Variants in SORCS3 observed in about 807,000 individuals in gnomAD.
SORCS3 encodes sortilin related VPS10 domain containing receptor 3.
In SORCS3, 57 loss-of-function variants were observed where a neutral mutation model predicts 146.3. The ratio of observed to expected loss-of-function variants is 0.39; its 90% CI spans 0.31 to 0.49. The LOEUF (loss-of-function observed/expected upper bound fraction) is 0.49, where lower values mean the gene tolerates loss of function less well. Ranked by LOEUF, SORCS3 falls within the 20% of genes least tolerant of loss-of-function variation. The probability of loss-of-function intolerance (pLI) is 0.92; values close to 1 mark genes in which losing one functional copy is unlikely to be tolerated. For missense variants in SORCS3, 1,341 were observed against 1,575.5 expected (o/e 0.85, Z 2.52); for synonymous variants, 653 against 618.5 (o/e 1.06, Z -0.83).
At chr10:104,657,250 G>A (rs982217043) in intron 1 of SORCS3, among the ~76,000 whole-genome samples, 2 of 152,146 alleles carry the variant, frequency 1.3e-5, no homozygotes, top group Non-Finnish European at 2.9e-5. Context: ...CTAGAACCAC[G>A]TAGCTGAGCC....
rs1187457896 is a variant in SORCS3 at position 105,223,196 on chromosome 10, C to G, written c.2815C>G (p.Pro939Ala). ...KEVNISAVVW[P>A]SQLGTLTYFW... ...GGTCAACATCAGTGCAGTCGTGTGG[C>G]CCAGTCAACTGGGGACCCTTACCTA... Residue 939 changes from proline to alanine, a missense_variant, in exon 20 of 27, where the codon CCC becomes GCC. Coordinates refer to ENST00000369701, the MANE Select transcript of SORCS3 (RefSeq NM_014978.3). 1 of 1,613,342 alleles carries G rather than the reference C, an allele frequency of 6.2e-7. No homozygotes were observed.
At chr10:104,852,713 G>T (rs1447842789) in intron 2 of SORCS3, among the ~76,000 whole-genome samples, 2 of 152,062 alleles carry the variant, frequency 1.3e-5, no homozygotes, top group Admixed American at 1.3e-4. Context: ...CTTCCTTCTG[G>T]CTCAGAGTGA....
intron 1 of SORCS3, among the ~76,000 whole-genome samples, chr10:104,821,298 C>T (rs2133528614): frequency 6.6e-6 from 1 of 152,134 alleles, no homozygotes; most frequent in South Asian, 2.1e-4. Flanking sequence ...ATATAATGGG[C>T]CACAGATGGA....
At chr10:105,015,062 A>C (rs571149580) in intron 4 of SORCS3, among the ~76,000 whole-genome samples, 10 of 152,350 alleles carry the variant, frequency 6.6e-5, no homozygotes, top group Admixed American at 5.2e-4. Context: ...TGCAATGCAA[A>C]TTAAGACTAT....
chr10:105,195,193 C>T (rs980343690), intron 14 of SORCS3, among the ~76,000 whole-genome samples: 13 of 152,202 alleles, frequency 8.5e-5, no homozygotes, highest in Admixed American at 3.3e-4. Context: ...AAGTACTACA[C>T]ATATGAGAAG....
In SORCS3 at chr10:104,901,704, TTTTCAGCCCTTGGC is replaced by T. The variant is rs568991427; in HGVS notation, c.696-14122_696-14109del. Among the ~76,000 whole-genome samples, 105 of 152,320 alleles carry T rather than the reference TTTTCAGCCCTTGGC, an allele frequency of 6.9e-4. 1 individual carries two copies. Among genetic ancestry groups the T allele is most frequent in the African/African-American group, 2.5e-3 (102 of 41,584 alleles). ...CTTGTTATTAGATTTAAAATGATGT[TTTTCAGCCCTTGGC>T]TTTCAGGCCTTGCTCATGCCTTGCT... On this transcript the variant is annotated intron_variant, in intron 2 of 26. Transcript: ENST00000369701.
At chr10:105,044,222 A>G (rs538001656) in intron 5 of SORCS3, among the ~76,000 whole-genome samples, 1 of 152,140 alleles carries the variant, frequency 6.6e-6, no homozygotes, top group African/African-American at 2.4e-5. Context: ...ATAAAAAATG[A>G]GCTGGCCATC....
At chr10:104,706,286 C>T (rs1273772209) in intron 1 of SORCS3, among the ~76,000 whole-genome samples, 2 of 146,202 alleles carry the variant, frequency 1.4e-5, no homozygotes, top group Non-Finnish European at 3.0e-5. Flanking sequence ...CAGCTCACTG[C>T]ACCCTCTGCC....
At chr10:104,942,515 T>C (rs1237626442) in intron 3 of SORCS3, among the ~76,000 whole-genome samples, 2 of 152,234 alleles carry the variant, frequency 1.3e-5, no homozygotes, top group Non-Finnish European at 2.9e-5. Flanking sequence ...TACAGATTAA[T>C]CCTTTTTATG....
chr10:104,868,021 C>T (rs1367360762), intron 2 of SORCS3, among the ~76,000 whole-genome samples: 1 of 152,200 alleles, frequency 6.6e-6, no homozygotes, highest in South Asian at 2.1e-4. Flanking sequence ...ATGCAGGAAT[C>T]TGACTCCCTG....
intron 2 of SORCS3, among the ~76,000 whole-genome samples, chr10:104,864,942 G>T (rs937432477): frequency 2.4e-4 from 37 of 152,046 alleles, no homozygotes; most frequent in Non-Finnish European, 2.9e-5. Context: ...TTTATCTTTT[G>T]TCTCTTCAAT....
intron 5 of SORCS3, among the ~76,000 whole-genome samples, chr10:105,072,647 T>TTC (rs79467880): frequency 3.2e-5 from 1 of 30,806 alleles, no homozygotes; most frequent in Non-Finnish European, 7.4e-5. Context: ...TTTTCTTTCT[T>TTC]TCTCTCTCTC....
chr10:104,924,029 T>C (rs2019114081), intron 3 of SORCS3, among the ~76,000 whole-genome samples: 1 of 152,234 alleles, frequency 6.6e-6, no homozygotes, highest in Non-Finnish European at 1.5e-5. Flanking sequence ...TCATGCAATT[T>C]GCAGATGATG....
chr10:104,959,256 C>T (rs969431299), intron 3 of SORCS3, among the ~76,000 whole-genome samples: 2 of 152,164 alleles, frequency 1.3e-5, no homozygotes, highest in African/African-American at 4.8e-5. Context: ...CCTACACATA[C>T]CAAATTCATA....
At chr10:105,207,217 T>C (rs2056607477) in intron 16 of SORCS3, among the ~76,000 whole-genome samples, 1 of 151,932 alleles carries the variant, frequency 6.6e-6, no homozygotes, top group African/African-American at 2.4e-5. Context: ...GTCTACCAAC[T>C]TAGGAGACTG....
intron 1 of SORCS3, among the ~76,000 whole-genome samples, chr10:104,754,481 G>T (rs2017023958): frequency 6.6e-6 from 1 of 152,110 alleles, no homozygotes; most frequent in Non-Finnish European, 1.5e-5. Context: ...CATACCTATA[G>T]GTATGGCAGA....
At chr10:104,716,929 C>G (rs768448869) in intron 1 of SORCS3, among the ~76,000 whole-genome samples, 1 of 152,160 alleles carries the variant, frequency 6.6e-6, no homozygotes, top group Non-Finnish European at 1.5e-5. Flanking sequence ...GCTTCCCTAC[C>G]ATTGAGGGAG....
At position 104,951,271 on chromosome 10, in the gene SORCS3, C is replaced by A. The variant is rs574428089; in HGVS notation, c.796-26064C>A. 1.2e-4 allele frequency among the ~76,000 whole-genome samples: 18 copies of A among 152,230 alleles called. No homozygotes were observed. The South Asian group carries it at 3.5e-3, about 30-fold the overall frequency. Reference sequence around the variant, plus strand: ...GGACAGAAATCATCTTGCTTAATATCCAGTTCCAGTCACACCTTCAACACT... The same window carrying A: ...GGACAGAAATCATCTTGCTTAATATACAGTTCCAGTCACACCTTCAACACT... On this transcript the variant is annotated intron_variant, in intron 3 of 26. Coordinates refer to ENST00000369701, the MANE Select transcript of SORCS3 (RefSeq NM_014978.3).
chr10:105,043,664 G>A (rs2055351943), intron 5 of SORCS3, among the ~76,000 whole-genome samples: 1 of 152,100 alleles, frequency 6.6e-6, no homozygotes, highest in African/African-American at 2.4e-5. Flanking sequence ...AGACTCTGGA[G>A]AAGTGCTGAA....
Sources: allele counts gnomAD v4.1 joint callset (sites outside exome capture counted in the v4.1 genomes callset), GRCh38; gene constraint gnomAD v4.1.1; transcripts MANE v1.5; gene names NCBI Gene and HGNC (gene_info 2026-07-23, HGNC 2026-07-21).